PRKN: variants seen among roughly 807,000 people sequenced by gnomAD.
PRKN encodes E3 ubiquitin-protein ligase parkin.
PRKN carries 56 observed loss-of-function variants against 59.5 expected under a neutral mutation model. The ratio of observed to expected loss-of-function variants is 0.94; its 90% CI spans 0.76 to 1.18. The LOEUF (loss-of-function observed/expected upper bound fraction) is 1.18. Among genes scored for constraint, PRKN ranks in the 50% most tolerant of loss-of-function variants. PRKN has a pLI of 0.00. For synonymous variants in PRKN, 250 were observed against 222.1 expected (o/e 1.13, Z -1.12); for missense variants, 657 against 596.4 (o/e 1.10, Z -1.06).
rs1471447186 is a variant in PRKN at position 161,410,631 on chromosome 6, T to C, written c.1084-23754A>G. 1.3e-5 allele frequency among the ~76,000 whole-genome samples: 2 copies of C among 152,024 alleles called. No homozygotes were observed. Among genetic ancestry groups the C allele is most frequent in the Non-Finnish European group, 2.9e-5 (2 of 68,024 alleles). ...CCATTCTGGTGCTCATCGTGGGCCA[T>C]GCGTTGGTTACAAGGAAGCAGATGG... On this transcript the variant is annotated intron_variant, in intron 9 of 11. Coordinates refer to ENST00000366898, the MANE Select transcript of PRKN (RefSeq NM_004562.3). This position sits in a 1 kb window ranked among gnomAD's most constrained non-coding sequence, Gnocchi z 5.3.
chr6:162,119,690 C>T (rs764148405), intron 4 of PRKN, among the ~76,000 whole-genome samples: 4 of 152,048 alleles, frequency 2.6e-5, no homozygotes, highest in Admixed American at 6.6e-5. Flanking sequence ...CTCTAAGGAG[C>T]CAGTGGCAAG....
rs71004102 is a variant in PRKN, at chr6:162,588,013, GT to G, written c.7+139648del. Among the ~76,000 whole-genome samples, 282 of 136,562 alleles carry G rather than the reference GT, an allele frequency of 2.1e-3. 1 individual carries two copies. The highest frequency in any genetic ancestry group is 8.2e-3 in the Middle Eastern group (2 of 244). 89.6% of individuals were successfully genotyped at this position (136,562 alleles called of 152,430 possible). ...ATACTTGAACTAAGTGAGTTTTTGA[GT>G]TTTTTTTTTTTTTTTAGATGGAGTC... On this transcript the variant is annotated intron_variant, in intron 1 of 11. Transcript: ENST00000366898.
At chr6:162,083,593 T>C (rs1300186712) in intron 4 of PRKN, among the ~76,000 whole-genome samples, 1 of 152,078 alleles carries the variant, frequency 6.6e-6, no homozygotes, top group African/African-American at 2.4e-5. Flanking sequence ...AAAAGAGAAA[T>C]AATTTTTTTT....
chr6:161,790,149 G>C (rs1165324471), intron 6 of PRKN, among the ~76,000 whole-genome samples: 2 of 152,208 alleles, frequency 1.3e-5, no homozygotes, highest in Admixed American at 6.5e-5. Flanking sequence ...AGTCAGGATG[G>C]ATCCATTAGG....
intron 2 of PRKN, among the ~76,000 whole-genome samples, chr6:162,428,006 T>C (rs909533852): frequency 2.6e-5 from 4 of 152,146 alleles, no homozygotes; most frequent in African/African-American, 7.2e-5. Flanking sequence ...AGTTGAATGG[T>C]GGGCCCACTA....
At chr6:161,485,518 C>T (rs1475008488) in intron 9 of PRKN, among the ~76,000 whole-genome samples, 1 of 152,042 alleles carries the variant, frequency 6.6e-6, no homozygotes, top group Non-Finnish European at 1.5e-5. Flanking sequence ...ATTTTAAAGT[C>T]CATAGGCTAG....
intron 2 of PRKN, among the ~76,000 whole-genome samples, chr6:162,429,968 G>T (rs1789429693): frequency 6.6e-6 from 1 of 152,144 alleles, no homozygotes. Context: ...TAATTCTAAA[G>T]TAGTGCCAGA....
rs1789229024 is a variant in PRKN at position 161,441,585 on chromosome 6, C to T, written c.1084-54708G>A. ...ACTTGAACCTGGGAGGTGGAGGTTGCAGTGAGCTGAGATCATGCCACTGCA... is the reference window on the plus strand; with the variant it reads ...ACTTGAACCTGGGAGGTGGAGGTTGTAGTGAGCTGAGATCATGCCACTGCA... On this transcript the variant is annotated intron_variant, in intron 9 of 11. Coordinates refer to ENST00000366898, the MANE Select transcript of PRKN (RefSeq NM_004562.3). Among the ~76,000 whole-genome samples, 3 of 144,056 alleles carry T rather than the reference C, an allele frequency of 2.1e-5. No individual in the cohort carries two copies. The South Asian group carries it at 6.5e-4, about 31-fold the overall frequency. The allele number at this position is 144,056 out of a possible 152,430, so 94.5% of individuals were successfully genotyped here.
At chr6:162,155,940 G>A (rs1253315355) in intron 4 of PRKN, among the ~76,000 whole-genome samples, 1 of 152,270 alleles carries the variant, frequency 6.6e-6, no homozygotes, top group East Asian at 1.9e-4. Flanking sequence ...GCAAAAGGAT[G>A]GAGGAGCCCA....
chr6:162,302,753 A>G (rs750754170), intron 2 of PRKN, among the ~76,000 whole-genome samples: 1 of 152,122 alleles, frequency 6.6e-6, no homozygotes, highest in Non-Finnish European at 1.5e-5. Flanking sequence ...GAGATCACCA[A>G]CAGGGGTCTC....
At chr6:162,031,846 T>G (rs1410037455) in intron 5 of PRKN, among the ~76,000 whole-genome samples, 1 of 152,170 alleles carries the variant, frequency 6.6e-6, no homozygotes. Flanking sequence ...CACTTTTTTG[T>G]GGATCGTTGC....
intron 4 of PRKN, among the ~76,000 whole-genome samples, chr6:162,155,092 A>C (rs1330429595): frequency 1.9e-5 from 2 of 107,174 alleles, no homozygotes; most frequent in Non-Finnish European, 3.7e-5. Context: ...AGATGGAAAA[A>C]AAATAAAACC....
chr6:162,492,939 C>A (rs959393440), intron 1 of PRKN, among the ~76,000 whole-genome samples: 1 of 126,968 alleles, frequency 7.9e-6, no homozygotes, highest in South Asian at 2.5e-4. Context: ...GGCAACAGAG[C>A]GAGACTTTGT....
rs372374438 is a variant in PRKN, at chr6:162,718,951, T to TAC, written c.7+8709_7+8710dup. Among the ~76,000 whole-genome samples, 554 of 150,690 alleles carry TAC rather than the reference T, an allele frequency of 3.7e-3. 1 individual carries two copies. The highest frequency in any genetic ancestry group is 0.01 in the African/African-American group (429 of 41,186). ...AGACACGGCAGATGCCACACACACATACACACACACACACACGAGAAAGGG... is the reference window on the plus strand; with the variant it reads ...AGACACGGCAGATGCCACACACACATACACACACACACACACACGAGAAAGGG... On this transcript the variant is annotated intron_variant, in intron 1 of 11. Coordinates refer to ENST00000366898, the MANE Select transcript of PRKN (RefSeq NM_004562.3).
chr6:161,929,705 C>T (rs534221482), intron 6 of PRKN, among the ~76,000 whole-genome samples: 213 of 151,594 alleles, frequency 1.4e-3, no homozygotes, highest in African/African-American at 4.9e-3. Context: ...TTAGTAGAAA[C>T]GGGGTTTTGC....
rs568231508 is a variant in PRKN, at chr6:162,339,366, C to T, written c.172-76601G>A. 1.3e-4 allele frequency among the ~76,000 whole-genome samples: 19 copies of T among 145,254 alleles called. 1 individual carries two copies. The South Asian group carries it at 3.1e-3, about 23-fold the overall frequency. ...GGGGGGTCAGCCCCCGCCCGGCCAG[C>T]CGCCCCGTCCGGGAGGGAGGTGGGG... is the stretch of plus-strand genomic sequence containing the variant. On this transcript the variant is annotated intron_variant, in intron 2 of 11. Coordinates refer to ENST00000366898, the MANE Select transcript of PRKN (RefSeq NM_004562.3).
chr6:162,170,603 G>A (rs1440985106), intron 4 of PRKN, among the ~76,000 whole-genome samples: 1 of 152,178 alleles, frequency 6.6e-6, no homozygotes, highest in Non-Finnish European at 1.5e-5. Flanking sequence ...TGAAATATTA[G>A]ATGAAGGAAT....
intron 7 of PRKN, among the ~76,000 whole-genome samples, chr6:161,632,539 T>C (rs765901814): frequency 3.9e-5 from 6 of 152,222 alleles, no homozygotes; most frequent in Non-Finnish European, 8.8e-5. Flanking sequence ...TTTGAAATAA[T>C]AGAAGTCAAA....
intron 1 of PRKN, among the ~76,000 whole-genome samples, chr6:162,655,143 A>G (rs922123651): frequency 6.6e-6 from 1 of 152,190 alleles, no homozygotes; most frequent in Non-Finnish European, 1.5e-5. Flanking sequence ...TTATTACAAT[A>G]TATTAATGAT....
Sources: allele counts gnomAD v4.1 joint callset (sites outside exome capture counted in the v4.1 genomes callset), GRCh38; gene constraint gnomAD v4.1.1; non-coding constraint Gnocchi (gnomAD v3.1); transcripts MANE v1.5; gene names NCBI Gene and HGNC (gene_info 2026-07-23, HGNC 2026-07-21).